FAT3: variants seen among roughly 807,000 people sequenced by gnomAD.
The protein encoded by FAT3 is FAT atypical cadherin 3, also known as protocadherin Fat 3.
Under a neutral mutation model 310.2 loss-of-function variants are expected in FAT3, and 95 were observed. The ratio of observed to expected loss-of-function variants is 0.31; its 90% CI spans 0.26 to 0.36. FAT3 has a LOEUF of 0.36. Among genes scored for constraint, FAT3 ranks in the 10% least tolerant of loss-of-function variants. The pLI is 1.00. For synonymous variants in FAT3, 2,314 were observed against 2,192.9 expected, an observed-to-expected ratio of 1.06 and a Z score of -1.54; for missense variants, 5,408 against 5,715.6, an observed-to-expected ratio of 0.95 and a Z score of 1.74.
intron 4 of FAT3, among the ~76,000 whole-genome samples, chr11:92,731,528 A>G (rs1398000613): frequency 1.3e-5 from 2 of 152,248 alleles, no homozygotes; most frequent in South Asian, 2.1e-4. Context: ...CAAAACATGC[A>G]CTTAAACAAG....
At chr11:92,485,004 C>T (rs1952334980) in intron 2 of FAT3, among the ~76,000 whole-genome samples, 1 of 152,222 alleles carries the variant, frequency 6.6e-6, no homozygotes, top group Non-Finnish European at 1.5e-5. Context: ...TTACTCAGTA[C>T]ACACTTTTTA....
In FAT3 at chr11:92,384,326, G is replaced by A. The variant is rs1196034594; in HGVS notation, c.3292+28922G>A. Among the ~76,000 whole-genome samples the A allele has an allele frequency of 2.0e-5, 3 of 152,168 alleles. No homozygotes were observed. The East Asian group carries it at 5.8e-4, about 29-fold the overall frequency. ...TCTGTTCTTCTTGTGTATTGGAGAG[G>A]AAACAGGTAGAGAGTTGTTACCCTA... On this transcript the variant is annotated intron_variant, in intron 2 of 27. Coordinates refer to ENST00000525166, the MANE Select transcript of FAT3 (RefSeq NM_001367949.2).
rs190176437 is a variant in FAT3 at position 92,256,303 on chromosome 11, T to G, written c.-18+31129T>G. 3.0e-3 allele frequency among the ~76,000 whole-genome samples: 458 copies of G among 152,176 alleles called. 1 individual carries two copies. The highest frequency in any genetic ancestry group is 0.01 in the African/African-American group (426 of 41,526). ...TATACACTATTTAATCTACACACAT[T>G]ATTAAATGCTCCTGATTTCCCTCAG... On this transcript the variant is annotated intron_variant, in intron 1 of 27. Coordinates refer to ENST00000525166, the MANE Select transcript of FAT3 (RefSeq NM_001367949.2).
chr11:92,537,592 G>A (rs1954302434), intron 3 of FAT3, among the ~76,000 whole-genome samples: 1 of 152,030 alleles, frequency 6.6e-6, no homozygotes, highest in African/African-American at 2.4e-5. Flanking sequence ...TGGGTGTGGT[G>A]GAATTGTGGA....
intron 13 of FAT3, 135 bp from the exon 14 acceptor site, chr11:92,831,487 G>T: frequency 3.0e-6 from 2 of 663,470 alleles, no homozygotes; most frequent in Non-Finnish European, 4.6e-6. Context: ...CATTTTTGTA[G>T]AGCCACAGCT....
At chr11:92,751,559 C>A (rs1945829251) in intron 4 of FAT3, among the ~76,000 whole-genome samples, 1 of 152,162 alleles carries the variant, frequency 6.6e-6, no homozygotes, top group African/African-American at 2.4e-5. Context: ...GTTCTCAAGT[C>A]TTGAGTGCTG....
intron 21 of FAT3, among the ~76,000 whole-genome samples, chr11:92,862,454 G>T (rs1404715091): frequency 6.6e-6 from 1 of 152,194 alleles, no homozygotes; most frequent in Non-Finnish European, 1.5e-5. Context: ...CATGGCAAAA[G>T]CACAAGGAGA....
At chr11:92,396,495 A>G (rs1165241010) in intron 2 of FAT3, among the ~76,000 whole-genome samples, 2 of 152,272 alleles carry the variant, frequency 1.3e-5, no homozygotes, top group East Asian at 3.9e-4. Context: ...GGAGTGGTTT[A>G]TTGCCAGTAG....
At chr11:92,393,608 G>A (rs901317553) in intron 2 of FAT3, among the ~76,000 whole-genome samples, 5 of 152,106 alleles carry the variant, frequency 3.3e-5, no homozygotes, top group Non-Finnish European at 7.4e-5. Context: ...GGGATGGGAT[G>A]TTTTGCAATT....
intron 1 of FAT3, among the ~76,000 whole-genome samples, chr11:92,253,066 C>T (rs993869107): frequency 6.6e-6 from 1 of 152,038 alleles, no homozygotes. Context: ...TTATTGCCAC[C>T]CCTTCCTTTT....
intron 3 of FAT3, among the ~76,000 whole-genome samples, chr11:92,544,017 G>C (rs1008683631): frequency 4.6e-5 from 7 of 152,004 alleles, no homozygotes; most frequent in Non-Finnish European, 7.4e-5. Context: ...TGCATTCTAG[G>C]TTATTTGTCA....
At chr11:92,320,596 A>C (rs1056565270) in intron 1 of FAT3, among the ~76,000 whole-genome samples, 3 of 152,156 alleles carry the variant, frequency 2.0e-5, no homozygotes, top group African/African-American at 7.2e-5. Flanking sequence ...GGCTGGGTGC[A>C]GTGGCTCACG....
In FAT3 at chr11:92,798,116, C is replaced by G. The variant is rs763003806; in HGVS notation, c.5103C>G (p.Leu1701=). 8.7e-6 allele frequency: 14 copies of G among 1,613,794 alleles called. No individual in the cohort carries two copies. Among genetic ancestry groups the G allele is most frequent in the Non-Finnish European group, 1.7e-6 (2 of 1,179,866 alleles). ...ILISAISQST[L]IYEVKDGDIN... ...TCTCTGCCATCAGTCAATCTACCCT[C>G]ATTTATGAAGTCAAAGATGGAGACA... Residue 1701 remains leucine, a synonymous_variant, in exon 10 of 28, where the codon CTC becomes CTG. Coordinates refer to ENST00000525166, the MANE Select transcript of FAT3 (RefSeq NM_001367949.2).
At chr11:92,762,371 T>G (rs1206412102) in intron 5 of FAT3, among the ~76,000 whole-genome samples, 1 of 152,186 alleles carries the variant, frequency 6.6e-6, no homozygotes, top group Non-Finnish European at 1.5e-5. Context: ...ACAATTTCCT[T>G]TGGTTGTGTC....
intron 1 of FAT3, among the ~76,000 whole-genome samples, chr11:92,252,079 G>A (rs1055932779): frequency 2.6e-5 from 4 of 152,030 alleles, no homozygotes; most frequent in Non-Finnish European, 4.4e-5. Context: ...CAGTTACCAC[G>A]TCATGACTTA....
At position 92,866,885 on chromosome 11, in the gene FAT3, G is replaced by A. The variant is rs1949260937; in HGVS notation, c.11803G>A (p.Asp3935Asn). ...CAATTTCACGAGCCTGTCCCTGGAT[G>A]ACAGCTACGTGGAGCGGCGCCGGGC... ...NRNFTSLSLD[D>N]SYVERRRAPL... The change falls in exon 22 of 28, where the codon GAC becomes AAC. Residue 3935 changes from aspartate (D) to asparagine (N), a missense_variant. By Grantham distance (23) the Asp-to-Asn change is conservative. Transcript: ENST00000525166. 1.2e-6 allele frequency: 2 copies of A among 1,613,904 alleles called. No homozygotes were observed. The highest frequency in any genetic ancestry group is 1.7e-6 in the Non-Finnish European group (2 of 1,179,902).
chr11:92,449,534 G>T (rs1195547606), intron 2 of FAT3, among the ~76,000 whole-genome samples: 1 of 152,104 alleles, frequency 6.6e-6, no homozygotes, highest in Non-Finnish European at 1.5e-5. Flanking sequence ...GAAATGAATA[G>T]AATGGGTCAA....
intron 2 of FAT3, among the ~76,000 whole-genome samples, chr11:92,381,262 C>T (rs958727077): frequency 1.3e-5 from 2 of 152,142 alleles, no homozygotes; most frequent in African/African-American, 2.4e-5. Context: ...GTAATCCCAG[C>T]GTTTAGGGAG....
At chr11:92,479,836 C>T (rs755759131) in intron 2 of FAT3, among the ~76,000 whole-genome samples, 10 of 152,180 alleles carry the variant, frequency 6.6e-5, no homozygotes, top group Non-Finnish European at 1.2e-4. Context: ...TCCTTCTCCC[C>T]TGGACTTTGT....
Sources: gnomAD v4.1 joint callset for allele counts (sites outside exome capture counted in the v4.1 genomes callset) on GRCh38, gnomAD v4.1.1 for gene constraint, MANE v1.5 for transcripts, NCBI Gene and HGNC (gene_info 2026-07-23, HGNC 2026-07-21) for gene names.